MECOM: variants seen among roughly 807,000 people sequenced by gnomAD.
MECOM encodes the protein MDS1 and EVI1 complex locus, also known as histone-lysine N-methyltransferase MECOM.
Under a neutral mutation model 116.3 loss-of-function variants are expected in MECOM, and 13 were observed. The observed-to-expected ratio is 0.11, with a 90% CI of 0.07 to 0.18. The LOEUF is 0.18. Ranked by LOEUF, MECOM falls within the 10% of genes least tolerant of loss-of-function variation. The probability of loss-of-function intolerance (pLI) is 1.00; values close to 1 mark genes in which losing one functional copy is unlikely to be tolerated. For synonymous variants in MECOM, 528 were observed against 535.2 expected, an observed-to-expected ratio of 0.99 and a Z score of 0.19; for missense variants, 1,299 against 1,509.0, an observed-to-expected ratio of 0.86 and a Z score of 2.31.
At chr3:169,478,590 T>C (rs1750823884) in intron 1 of MECOM, among the ~76,000 whole-genome samples, 1 of 152,200 alleles carries the variant, frequency 6.6e-6, no homozygotes, top group Admixed American at 6.5e-5. Flanking sequence ...TACCCTTCAG[T>C]TGTTCCCAGA....
intron 1 of MECOM, among the ~76,000 whole-genome samples, chr3:169,659,440 A>ATTATTTTTTTT (rs1775966638): frequency 1.6e-5 from 1 of 62,138 alleles, no homozygotes; most frequent in African/African-American, 6.2e-5. Flanking sequence ...CTAAACACAG[A>ATTATTTTTTTT]TTTTTTTTTT....
chr3:169,627,312 G>C (rs1212636604), intron 1 of MECOM, among the ~76,000 whole-genome samples: 1 of 152,174 alleles, frequency 6.6e-6, no homozygotes, highest in Non-Finnish European at 1.5e-5. Flanking sequence ...GCAGCGAAAA[G>C]CCATCTGCTG....
intron 1 of MECOM, among the ~76,000 whole-genome samples, chr3:169,523,249 G>C (rs970708574): frequency 4.6e-5 from 7 of 152,130 alleles, no homozygotes; most frequent in Admixed American, 2.0e-4. Context: ...ACAATAAAGG[G>C]TCTTGGGAAG....
chr3:169,126,192 G>A (rs1223512195), intron 5 of MECOM, among the ~76,000 whole-genome samples: 1 of 152,056 alleles, frequency 6.6e-6, no homozygotes, highest in Non-Finnish European at 1.5e-5. Context: ...TTCAGCATTA[G>A]ATAGAGTTGA....
At chr3:169,490,680 A>C (rs1278751062) in intron 1 of MECOM, among the ~76,000 whole-genome samples, 1 of 152,192 alleles carries the variant, frequency 6.6e-6, no homozygotes, top group Non-Finnish European at 1.5e-5. Context: ...GAACATATAC[A>C]GTTAAAGTTC....
Position 169,095,092 on chromosome 3 carries a change from C to G in MECOM, c.3003G>C (p.Glu1001Asp). 6.2e-7 allele frequency: 1 copy of G among 1,608,124 alleles called. No individual in the cohort carries two copies. Among genetic ancestry groups the G allele is most frequent in the Non-Finnish European group, 8.5e-7 (1 of 1,177,698 alleles). ...TNLDRHLKKH[E>D]NGNMSGTATS... ...ATTACGTACCGGACATGTTCCCATTCTCATGTTTCTTTAGGTGTCTGTCTA... is the reference window on the plus strand; with the variant it reads ...ATTACGTACCGGACATGTTCCCATTGTCATGTTTCTTTAGGTGTCTGTCTA... The change falls in exon 13 of 17, where the codon GAG (glutamate) becomes GAC (aspartate). Residue 1001 changes from glutamate (E) to aspartate (D), a missense_variant. By Grantham distance (45) the Glu-to-Asp change is conservative (BLOSUM62 2). Transcript: ENST00000651503.
intron 1 of MECOM, among the ~76,000 whole-genome samples, chr3:169,383,105 G>A (rs923067005): frequency 2.6e-5 from 4 of 151,990 alleles, no homozygotes; most frequent in African/African-American, 7.3e-5. Flanking sequence ...ATTTATTATT[G>A]TAACAGACTA....
chr3:169,662,944 G>T (rs1015693167), intron 1 of MECOM, among the ~76,000 whole-genome samples: 1 of 137,854 alleles, frequency 7.3e-6, no homozygotes, highest in Non-Finnish European at 1.6e-5. Flanking sequence ...ACTCTCCCCC[G>T]CCTGGGGGGA....
At chr3:169,339,739 A>T (rs1158679064) in intron 2 of MECOM, among the ~76,000 whole-genome samples, 1 of 152,202 alleles carries the variant, frequency 6.6e-6, no homozygotes. Flanking sequence ...GAAACAAAAC[A>T]AGTAAAAAAT....
At chr3:169,263,077 C>CTATATA (rs748506622) in intron 2 of MECOM, among the ~76,000 whole-genome samples, 2 of 32,934 alleles carry the variant, frequency 6.1e-5, no homozygotes, top group Non-Finnish European at 5.8e-5. Context: ...TTTCAAGATG[C>CTATATA]TATATATATA....
chr3:169,263,193 A>G (rs1175990740), intron 2 of MECOM, among the ~76,000 whole-genome samples: 8 of 137,496 alleles, frequency 5.8e-5, no homozygotes, highest in Non-Finnish European at 1.1e-4. Context: ...CAGTGGCGCA[A>G]TCTCCACTCA....
intron 2 of MECOM, among the ~76,000 whole-genome samples, chr3:169,376,666 A>G (rs1731089864): frequency 8.1e-6 from 1 of 124,192 alleles, no homozygotes; most frequent in South Asian, 2.6e-4. Flanking sequence ...ACCACTGCTC[A>G]AGAAAATAAG....
chr3:169,336,851 C>A (rs1027516412), intron 2 of MECOM, among the ~76,000 whole-genome samples: 1 of 151,982 alleles, frequency 6.6e-6, no homozygotes, highest in Non-Finnish European at 1.5e-5. Flanking sequence ...GAGATACTAC[C>A]TTTATGTAAA....
chr3:169,626,158 C>CAT (rs1374445972), intron 1 of MECOM, among the ~76,000 whole-genome samples: 1 of 152,214 alleles, frequency 6.6e-6, no homozygotes, highest in African/African-American at 2.4e-5. Flanking sequence ...ATAAGCATGA[C>CAT]ATAGGACTGG....
At chr3:169,418,082 A>G (rs1218232092) in intron 1 of MECOM, among the ~76,000 whole-genome samples, 5 of 151,466 alleles carry the variant, frequency 3.3e-5, no homozygotes, top group Non-Finnish European at 2.9e-5. Flanking sequence ...CATTGTGCAC[A>G]TGTACCCTAA....
At chr3:169,399,230 C>T in intron 1 of MECOM, among the ~76,000 whole-genome samples, 1 of 152,084 alleles carries the variant, frequency 6.6e-6, no homozygotes. Flanking sequence ...AACTTTTACG[C>T]ACATGTACCC....
chr3:169,465,558 C>G (rs996687086), intron 1 of MECOM, among the ~76,000 whole-genome samples: 1 of 152,190 alleles, frequency 6.6e-6, no homozygotes, highest in Non-Finnish European at 1.5e-5. Flanking sequence ...AATGTGATCT[C>G]TCTCATTTTA....
intron 12 of MECOM, among the ~76,000 whole-genome samples, chr3:169,097,284 G>A (rs1372921944): frequency 6.6e-6 from 1 of 151,984 alleles, no homozygotes; most frequent in Non-Finnish European, 1.5e-5. Context: ...AAATAAGCAT[G>A]TTCTAACCAA....
intron 1 of MECOM, among the ~76,000 whole-genome samples, chr3:169,514,300 C>CA (rs59456802): frequency 0.51 from 76,067 of 148,556 alleles, 20,343 homozygotes; most frequent in African/African-American, 0.71. Flanking sequence ...AGCACAGAGT[C>CA]AAAAAAAAAA....
Sources: gnomAD v4.1 joint callset for allele counts (sites outside exome capture counted in the v4.1 genomes callset) on GRCh38, gnomAD v4.1.1 for gene constraint, MANE v1.5 for transcripts, NCBI Gene and HGNC (gene_info 2026-07-23, HGNC 2026-07-21) for gene names.